The following MYO1H variants were observed in gnomAD, a reference collection of about 807,000 sequenced individuals.
MYO1H encodes unconventional myosin-Ih.
Under a neutral mutation model 149.3 loss-of-function variants are expected in MYO1H, and 118 were observed. The observed-to-expected ratio is 0.79, with a 90% CI of 0.68 to 0.92. The LOEUF (loss-of-function observed/expected upper bound fraction) is 0.92. MYO1H is among the 40% of genes least tolerant of loss of function. The pLI is 0.00. For synonymous variants in MYO1H, 447 were observed against 465.2 expected (o/e 0.96, Z 0.50); for missense variants, 1,212 against 1,280.7 (o/e 0.95, Z 0.82).
chr12:109,393,333 A>C (rs1193989859), exon 3 of MYO1H: 5 of 1,565,848 alleles, frequency 3.2e-6, no homozygotes, highest in Non-Finnish European at 4.3e-6. Context: ...TTCTCTAGAC[A>C]TATATTGGCA....
chr12:109,318,965 TGGTTTTG>T, the MYO1H span, among the ~76,000 whole-genome samples: 107 of 44,236 alleles, frequency 2.4e-3, 2 homozygotes, highest in African/African-American at 5.0e-3. Context: ...TCTGCGTTTT[TGGTTTTG>T]TTTTTTTTTT....
chr12:109,397,955 G>A, intron 5 of MYO1H, 143 bp downstream of exon 5: 1 of 549,876 alleles, frequency 1.8e-6, no homozygotes. Context: ...GCTGGTTTTA[G>A]GAAATGCAAA....
intron 1 of MYO1H, among the ~76,000 whole-genome samples, chr12:109,360,343 G>T (rs542915334): frequency 3.3e-5 from 5 of 152,190 alleles, no homozygotes; most frequent in African/African-American, 1.2e-4. Context: ...CTGGTGCCTC[G>T]TGAATCAATG....
At chr12:109,325,670 A>G in the MYO1H span, among the ~76,000 whole-genome samples, 2 of 152,224 alleles carry the variant, frequency 1.3e-5, no homozygotes, top group Admixed American at 6.5e-5. Flanking sequence ...AAAATTTTGC[A>G]ATCTATCCAT....
At chr12:109,417,961 G>A (rs200401022) in intron 15 of MYO1H, among the ~76,000 whole-genome samples, 17 of 151,200 alleles carry the variant, frequency 1.1e-4, no homozygotes, top group African/African-American at 4.1e-4. Context: ...GACTACAGGC[G>A]CCCGCCACCA....
chr12:109,414,133 T>C (rs780334462), intron 14 of MYO1H, among the ~76,000 whole-genome samples: 40 of 152,268 alleles, frequency 2.6e-4, no homozygotes, highest in Non-Finnish European at 5.3e-4. Flanking sequence ...TTAGAATATA[T>C]GTGTGCTGTC....
the MYO1H span, among the ~76,000 whole-genome samples, chr12:109,318,998 A>G: frequency 3.2e-5 from 1 of 30,972 alleles, no homozygotes; most frequent in Non-Finnish European, 6.3e-5. Flanking sequence ...TTTTTTTGCA[A>G]CTTTTCTGTC....
intron 20 of MYO1H, among the ~76,000 whole-genome samples, chr12:109,433,496 C>T (rs1194144397): frequency 6.6e-6 from 1 of 152,218 alleles, no homozygotes; most frequent in African/African-American, 2.4e-5. Context: ...ACTCAAGGGA[C>T]ATGAATCGGG....
intron 16 of MYO1H, among the ~76,000 whole-genome samples, chr12:109,421,392 A>G (rs1420878818): frequency 6.6e-6 from 1 of 152,224 alleles, no homozygotes; most frequent in Non-Finnish European, 1.5e-5. Flanking sequence ...AAGAGAATAA[A>G]CAAGGAACTG....
At chr12:109,371,430 C>T (rs2137015716) in intron 1 of MYO1H, among the ~76,000 whole-genome samples, 1 of 152,124 alleles carries the variant, frequency 6.6e-6, no homozygotes, top group East Asian at 1.9e-4. Flanking sequence ...GTTGCCCAGG[C>T]TGGTCTCAAA....
rs1211638518 is a variant in MYO1H at position 109,445,424 on chromosome 12, GAATTT to G, written c.2994-85_2994-81del. 6.2e-6 allele frequency: 6 copies of G among 960,142 alleles called. No homozygotes were observed. The African/African-American group carries it at 8.4e-5, about 13-fold the overall frequency. The allele number at this position is 960,142 out of a possible 1,614,324, so 59.5% of individuals were successfully genotyped here. A position where few individuals can be genotyped will look rare whatever the true frequency, so the allele number is the denominator to read the frequency against. ...CAGGAATTTGATCTTGAAACTAGTA[GAATTT>G]AATAAGTGAATTTCTTCTGTAGACC... On this transcript the variant is annotated intron_variant, in intron 30 of 31. Transcript: ENST00000310903.
Position 109,397,008 on chromosome 12 carries a change from A to G in MYO1H, c.489+426A>G, listed in dbSNP as rs569179719. Among the ~76,000 whole-genome samples, 3 of 150,988 alleles carry G rather than the reference A, an allele frequency of 2.0e-5. No individual in the cohort carries two copies. The South Asian group carries it at 6.3e-4, about 32-fold the overall frequency. On this transcript the variant is annotated intron_variant, in intron 4 of 31. Coordinates refer to ENST00000310903, the Ensembl canonical transcript of MYO1H. ...ATTCCCAGCTAATTTTTGCATTTTT[A>G]GTAGAGACGGGGTTTCGCCATGTTG...
intron 31 of MYO1H, chr12:109,446,254 C>A (rs1283613860): frequency 1.0e-6 from 1 of 985,320 alleles, no homozygotes; most frequent in East Asian, 1.1e-4. Context: ...TGTGCCCATG[C>A]TGGGCTGAGG....
At chr12:109,393,539 T>TCATCCATC (rs71079557) in intron 3 of MYO1H, 93 bp downstream of exon 3, 62 of 680,978 alleles carry the variant, frequency 9.1e-5, no homozygotes, top group South Asian at 3.1e-4. Context: ...GTCCATCCAT[T>TCATCCATC]CATCCATCCA....
At chr12:109,406,999 G>A (rs1396451587) in intron 9 of MYO1H, 139 bp downstream of exon 9, 1 of 689,248 alleles carries the variant, frequency 1.5e-6, no homozygotes, top group East Asian at 2.7e-5. Flanking sequence ...AGCTCCTGTG[G>A]AGTGTCCTGC....
chr12:109,396,561 G>T, exon 4 of MYO1H: 1 of 1,613,046 alleles, frequency 6.2e-7, no homozygotes, highest in East Asian at 2.2e-5. Context: ...ACAGACTGCT[G>T]TTCTCCAACC....
chr12:109,441,840 A>G (rs893907154), intron 26 of MYO1H, 132 bp downstream of exon 26: 1 of 609,510 alleles, frequency 1.6e-6, no homozygotes, highest in African/African-American at 1.9e-5. Flanking sequence ...TGAGCTCAGG[A>G]GTTCGAGACC....
At chr12:109,318,526 T>G in the MYO1H span, among the ~76,000 whole-genome samples, 1 of 152,202 alleles carries the variant, frequency 6.6e-6, no homozygotes, top group Non-Finnish European at 1.5e-5. Context: ...TCAGTGGCTC[T>G]CATGCTTCCC....
intron 25 of MYO1H, 96 bp downstream of exon 25, chr12:109,440,923 C>G (rs967489638): frequency 1.1e-6 from 1 of 901,486 alleles, no homozygotes; most frequent in Non-Finnish European, 1.8e-6. Flanking sequence ...CACCTATAAG[C>G]GGGGGTCATG....
Sources: gnomAD v4.1 joint callset for allele counts (sites outside exome capture counted in the v4.1 genomes callset) on GRCh38, gnomAD v4.1.1 for gene constraint, MANE v1.5 for transcripts, NCBI Gene and HGNC (gene_info 2026-07-23, HGNC 2026-07-21) for gene names.